LRMDA: variants seen among roughly 807,000 people sequenced by gnomAD.
The protein encoded by LRMDA is leucine-rich melanocyte differentiation-associated protein.
LRMDA carries 18 observed loss-of-function variants against 29.8 expected under a neutral mutation model. That is an observed-to-expected ratio of 0.60 (90% CI 0.42 to 0.90). The LOEUF (loss-of-function observed/expected upper bound fraction) is 0.90, where lower values mean the gene tolerates loss of function less well. LRMDA is among the 40% of genes least tolerant of loss of function. LRMDA has a pLI of 0.00. For missense variants in LRMDA, 273 were observed against 273.9 expected (o/e 1.00, Z 0.02); for synonymous variants, 125 against 109.4 (o/e 1.14, Z -0.89).
intron 2 of LRMDA, among the ~76,000 whole-genome samples, chr10:75,449,736 A>C (rs1352541412): frequency 6.6e-6 from 1 of 152,128 alleles, no homozygotes; most frequent in African/African-American, 2.4e-5. Context: ...GGAGTTTCCC[A>C]GAGAACTTAT....
At chr10:75,586,363 TTTTTTTA>T (rs1207142711) in intron 2 of LRMDA, among the ~76,000 whole-genome samples, 47 of 136,000 alleles carry the variant, frequency 3.5e-4, no homozygotes, top group Admixed American at 5.9e-4. Context: ...TTTTTTTTTT[TTTTTTTA>T]AATTAGAGAC....
intron 6 of LRMDA, among the ~76,000 whole-genome samples, chr10:76,351,519 G>A (rs1341053986): frequency 6.6e-6 from 1 of 152,022 alleles, no homozygotes; most frequent in Non-Finnish European, 1.5e-5. Flanking sequence ...TCTCCAAGCT[G>A]TGAGGGTTTC....
At chr10:75,800,443 T>TC (rs1295109752) in intron 2 of LRMDA, among the ~76,000 whole-genome samples, 2 of 151,798 alleles carry the variant, frequency 1.3e-5, no homozygotes, top group East Asian at 1.9e-4. Flanking sequence ...TTTTTCTTTT[T>TC]TTTTTTTCTT....
intron 5 of LRMDA, among the ~76,000 whole-genome samples, chr10:76,068,782 G>A (rs926709229): frequency 7.9e-5 from 12 of 152,162 alleles, no homozygotes; most frequent in East Asian, 3.9e-4. Flanking sequence ...GTCTGAATGC[G>A]GCTGATATGT....
intron 2 of LRMDA, among the ~76,000 whole-genome samples, chr10:75,950,819 A>G (rs1234726009): frequency 6.6e-6 from 1 of 152,202 alleles, no homozygotes; most frequent in African/African-American, 2.4e-5. Context: ...ATGAAGCTAG[A>G]GTGTGATGAT....
chr10:76,088,929 T>C (rs4746356), intron 5 of LRMDA, among the ~76,000 whole-genome samples: 55,094 of 152,046 alleles, frequency 0.36, 11,011 homozygotes, highest in Non-Finnish European at 0.44. Context: ...GCCCTCCTAA[T>C]TGTTCTCATT....
At chr10:75,464,726 A>AC (rs1269913534) in intron 2 of LRMDA, among the ~76,000 whole-genome samples, 2 of 152,088 alleles carry the variant, frequency 1.3e-5, no homozygotes, top group African/African-American at 4.8e-5. Flanking sequence ...GATGGAATAG[A>AC]CCCCCAGCAA....
chr10:76,110,019 A>G (rs552866052), intron 5 of LRMDA, among the ~76,000 whole-genome samples: 39 of 152,058 alleles, frequency 2.6e-4, no homozygotes, highest in Non-Finnish European at 5.1e-4. Flanking sequence ...TTTTCATGGG[A>G]CAGCCACAGT....
At chr10:76,071,139 G>C (rs562450334) in intron 5 of LRMDA, among the ~76,000 whole-genome samples, 4 of 152,262 alleles carry the variant, frequency 2.6e-5, no homozygotes, top group Admixed American at 1.3e-4. Flanking sequence ...GGAAATGAAG[G>C]CTGATGTTTA....
At chr10:75,594,442 A>G (rs1416823436) in intron 2 of LRMDA, among the ~76,000 whole-genome samples, 14 of 152,258 alleles carry the variant, frequency 9.2e-5, no homozygotes. Flanking sequence ...TTTCAGGAAA[A>G]AAGAACTTCA....
chr10:76,363,113 T>TGAGGA (rs1841331415), intron 6 of LRMDA, among the ~76,000 whole-genome samples: 1 of 105,360 alleles, frequency 9.5e-6, no homozygotes, highest in African/African-American at 3.6e-5. Context: ...GCCTGTGGAG[T>TGAGGA]AAGGAAAGAA....
Position 76,559,417 on chromosome 10 carries a change from T to A in LRMDA, c.*2129T>A, listed in dbSNP as rs1480405258. 2.0e-5 allele frequency: 3 copies of A among 152,232 alleles called. No individual in the cohort carries two copies. Among genetic ancestry groups the A allele is most frequent in the Admixed American group, 6.5e-5 (1 of 15,286 alleles). The allele number at this position is 152,232 out of a possible 1,614,324, so 9.4% of individuals were successfully genotyped here. ...TTCCAGAATGGTGTAATAACTTTAA[T>A]TAAGATTAGCTTTAATTATAAATTA... On this transcript the variant is annotated 3_prime_UTR_variant, in exon 7 of 7. Transcript: ENST00000611255.
At chr10:76,390,443 T>C (rs922771408) in intron 6 of LRMDA, among the ~76,000 whole-genome samples, 1 of 151,800 alleles carries the variant, frequency 6.6e-6, no homozygotes, top group Non-Finnish European at 1.5e-5. Context: ...ACTAATGAAA[T>C]TGTATGGGGC....
In LRMDA at chr10:75,769,411, A is replaced by G. The variant is rs184266192; in HGVS notation, c.132-266597A>G. Among the ~76,000 whole-genome samples the G allele has an allele frequency of 3.5e-3, 540 of 152,342 alleles. 3 individuals carry two copies. Among genetic ancestry groups the G allele is most frequent in the Non-Finnish European group, 6.6e-3 (449 of 68,030 alleles). ...TCTGATGATCACATTTAACAGCTGG[A>G]ATGCTCCTATTCAAACCACTTTTGT... On this transcript the variant is annotated intron_variant, in intron 2 of 6. Transcript: ENST00000611255.
At chr10:76,167,191 T>C (rs780755910) in intron 5 of LRMDA, among the ~76,000 whole-genome samples, 2 of 152,240 alleles carry the variant, frequency 1.3e-5, no homozygotes, top group Non-Finnish European at 2.9e-5. Flanking sequence ...AAGTTCCTTA[T>C]AGATGCTGGA....
rs567925470 is a variant in LRMDA at position 75,832,945 on chromosome 10, T to A, written c.132-203063T>A. ...ACACTTGGGAAGTATGGGAGCTACATGAGATTTGGGTAGGACACAGAGTCA... is the reference window on the plus strand; with the variant it reads ...ACACTTGGGAAGTATGGGAGCTACAAGAGATTTGGGTAGGACACAGAGTCA... On this transcript the variant is annotated intron_variant, in intron 2 of 6. Coordinates refer to ENST00000611255, the MANE Select transcript of LRMDA (RefSeq NM_001305581.2). 9.2e-5 allele frequency among the ~76,000 whole-genome samples: 14 copies of A among 152,306 alleles called. No homozygotes were observed. The South Asian group carries it at 2.5e-3, about 27-fold the overall frequency.
At chr10:76,504,431 G>A (rs541123972) in intron 6 of LRMDA, among the ~76,000 whole-genome samples, 7 of 151,962 alleles carry the variant, frequency 4.6e-5, no homozygotes, top group African/African-American at 1.7e-4. Context: ...TCAGTGGAGT[G>A]TTGAAGTTTT....
At position 75,505,662 on chromosome 10, in the gene LRMDA, T is replaced by C. The variant is rs572722565; in HGVS notation, c.131+67168T>C. On this transcript the variant is annotated intron_variant, in intron 2 of 6. Transcript: ENST00000611255. The stretch of plus-strand genomic sequence containing the variant: ...CTGCACTCATGGACCCCCCATATTC[T>C]TCCTGCCTGGAATGCCCTTCTTTCA... 1.1e-4 allele frequency among the ~76,000 whole-genome samples: 17 copies of C among 152,296 alleles called. No individual in the cohort carries two copies. In the South Asian group the frequency reaches 3.5e-3, roughly 32 times the overall value.
chr10:76,497,527 C>T (rs941786580), intron 6 of LRMDA, among the ~76,000 whole-genome samples: 3 of 75,230 alleles, frequency 4.0e-5, no homozygotes, highest in African/African-American at 9.7e-5. Context: ...CTCAAGTATA[C>T]CCCACTGACT....
Sources: gnomAD v4.1 joint callset for allele counts (sites outside exome capture counted in the v4.1 genomes callset) on GRCh38, gnomAD v4.1.1 for gene constraint, MANE v1.5 for transcripts, NCBI Gene and HGNC (gene_info 2026-07-23, HGNC 2026-07-21) for gene names.